The following ZC3H7B variants were observed in gnomAD, a reference collection of about 807,000 sequenced individuals.
ZC3H7B encodes zinc finger CCCH-type containing 7B, also known as zinc finger CCCH domain-containing protein 7B.
A neutral mutation model predicts 116.0 loss-of-function variants in ZC3H7B; 35 were observed. The ratio of observed to expected loss-of-function variants is 0.30; its 90% CI spans 0.23 to 0.40. The LOEUF (loss-of-function observed/expected upper bound fraction) is 0.40, where lower values mean the gene tolerates loss of function less well. Ranked by LOEUF, ZC3H7B falls within the 10% of genes least tolerant of loss-of-function variation. The pLI, the probability that ZC3H7B is intolerant of heterozygous loss-of-function variation, is 1.00. For missense variants in ZC3H7B, 1,011 were observed against 1,321.5 expected, an observed-to-expected ratio of 0.77 and a Z score of 3.64; for synonymous variants, 502 against 545.6, an observed-to-expected ratio of 0.92 and a Z score of 1.11.
intron 11 of ZC3H7B, 28 bp downstream of exon 11, chr22:41,341,174 C>G: frequency 6.2e-7 from 1 of 1,613,320 alleles, no homozygotes; most frequent in Non-Finnish European, 8.5e-7. Context: ...GGATCCAGGC[C>G]TCTCATTCCC....
Position 41,358,747 on chromosome 22 carries a change from C to A in ZC3H7B, c.*1318C>A. The A allele has an allele frequency of 6.4e-6, 1 of 155,566 alleles. No homozygotes were observed. The highest frequency in any genetic ancestry group is 6.5e-5 in the Admixed American group (1 of 15,368). 9.6% of individuals were successfully genotyped at this position (155,566 alleles called of 1,614,324 possible). A position where few individuals can be genotyped will look rare whatever the true frequency, so the allele number is the denominator to read the frequency against. On this transcript the variant is annotated 3_prime_UTR_variant, in exon 23 of 23. Transcript: ENST00000352645. ...CCACTCACCAAGGCCTCGCTCGTCC[C>A]TCTCGTCTGACATGTCTGTGTGCAC...
Position 41,330,863 on chromosome 22 carries a change from T to G in ZC3H7B, c.525+760T>G, listed in dbSNP as rs565200328. On this transcript the variant is annotated intron_variant, in intron 6 of 22. Coordinates refer to ENST00000352645, the MANE Select transcript of ZC3H7B (RefSeq NM_017590.6). ...AGGCTGAGGCAGGAGAATCACTTTT[T>G]TTTTTTTTTTTTTTTGAGACGGACT... Among the ~76,000 whole-genome samples, 54 of 147,894 alleles carry G rather than the reference T, an allele frequency of 3.7e-4. 3 individuals are homozygous for G. In the South Asian group the frequency reaches 0.011, roughly 30 times the overall value.
intron 2 of ZC3H7B, among the ~76,000 whole-genome samples, chr22:41,320,978 A>G (rs1022010216): frequency 6.6e-6 from 1 of 151,742 alleles, no homozygotes; most frequent in African/African-American, 2.4e-5. Flanking sequence ...TCACATTTGC[A>G]CTCCCTGTTA....
In ZC3H7B at chr22:41,337,735, T is replaced by C. The variant is rs539086347; in HGVS notation, c.583-578T>C. On this transcript the variant is annotated intron_variant, in intron 7 of 22. Coordinates refer to ENST00000352645, the MANE Select transcript of ZC3H7B (RefSeq NM_017590.6). ...GGTGGGTGGAACCAAGACTCAGAGGTTCTCTCCCTGCCCTCAACCACCCCT... is the reference window on the plus strand; with the variant it reads ...GGTGGGTGGAACCAAGACTCAGAGGCTCTCTCCCTGCCCTCAACCACCCCT... Among the ~76,000 whole-genome samples the C allele has an allele frequency of 1.3e-3, 196 of 152,184 alleles. 1 individual carries two copies. The highest frequency in any genetic ancestry group is 6.8e-3 in the Middle Eastern group (2 of 294).
In ZC3H7B at chr22:41,338,428, C is replaced by A; in HGVS notation, c.625+73C>A. 1 of 1,528,208 alleles carries A rather than the reference C, an allele frequency of 6.5e-7. No homozygotes were observed. The highest frequency in any genetic ancestry group is 9.0e-7 in the Non-Finnish European group (1 of 1,116,368). 94.7% of individuals were successfully genotyped at this position (1,528,208 alleles called of 1,614,324 possible). The stretch of plus-strand genomic sequence containing the variant: ...GGTCAGGGGAGTCGAGCCCCCTCCC[C>A]ATCCCAGCCCTGTAGATGGGAGGGC... On this transcript the variant is annotated intron_variant, in intron 8 of 22. Coordinates refer to ENST00000352645, the MANE Select transcript of ZC3H7B (RefSeq NM_017590.6). This position sits in a 1 kb window ranked among gnomAD's most constrained non-coding sequence, Gnocchi z 4.5.
chr22:41,352,574 A>G (rs956616766), intron 17 of ZC3H7B, among the ~76,000 whole-genome samples: 1 of 152,138 alleles, frequency 6.6e-6, no homozygotes, highest in African/African-American at 2.4e-5. Context: ...CAGCGTGTCC[A>G]ACATAGTGAA....
At chr22:41,342,503 C>A in intron 11 of ZC3H7B, 26 bp from the exon 12 acceptor site, 1 of 1,609,804 alleles carries the variant, frequency 6.2e-7, no homozygotes, top group African/African-American at 1.3e-5. Flanking sequence ...CCAGTGCCCA[C>A]AATGGCCTCC....
At position 41,339,976 on chromosome 22, in the gene ZC3H7B, A is replaced by T; in HGVS notation, c.977A>T (p.Asp326Val). ...CCCGCCTCCTTCGGCTTGGTCATGGACCCCTCCAAGAAGCTGGCCGCCTCT... is the reference window on the plus strand; with the variant it reads ...CCCGCCTCCTTCGGCTTGGTCATGGTCCCCTCCAAGAAGCTGGCCGCCTCT... ...LPPASFGLVM[D>V]PSKKLAASVL... is the part of the protein sequence containing the mutation. The change falls in exon 10 of 23, where the codon GAC becomes GTC. Residue 326 changes from aspartate (D) to valine (V), a missense_variant. Coordinates refer to ENST00000352645, the MANE Select transcript of ZC3H7B (RefSeq NM_017590.6). 6.2e-7 allele frequency: 1 copy of T among 1,610,230 alleles called. No individual in the cohort carries two copies. The highest frequency in any genetic ancestry group is 8.5e-7 in the Non-Finnish European group (1 of 1,179,614).
rs2036310266 is a variant in ZC3H7B, at chr22:41,325,765, T to C, written c.132T>C (p.Asn44=). Residue 44 remains asparagine (N), a synonymous_variant, in exon 4 of 23, where the codon AAT becomes AAC. Transcript: ENST00000352645. ...TGCAGAATCTGTTTGCTGAGGGCAATGATCTGTTCCGGGAGAAGGACTATA... is the reference window on the plus strand; with the variant it reads ...TGCAGAATCTGTTTGCTGAGGGCAACGATCTGTTCCGGGAGAAGGACTATA... ...KLVQNLFAEG[N]DLFREKDYKQ... 16 of 1,613,958 alleles carry C rather than the reference T, an allele frequency of 9.9e-6. No individual in the cohort carries two copies. The East Asian group carries it at 3.3e-4, about 34-fold the overall frequency.
At chr22:41,331,687 A>G (rs1374157862) in intron 6 of ZC3H7B, among the ~76,000 whole-genome samples, 1 of 151,976 alleles carries the variant, frequency 6.6e-6, no homozygotes, top group African/African-American at 2.4e-5. Flanking sequence ...CCTGGGCAAC[A>G]TGGCGAAACC....
At chr22:41,352,803 C>T (rs1347504859) in intron 17 of ZC3H7B, among the ~76,000 whole-genome samples, 5 of 151,994 alleles carry the variant, frequency 3.3e-5, no homozygotes, top group East Asian at 3.9e-4. Flanking sequence ...GGAGGCCTGG[C>T]GTGGTGGCTG....
At position 41,320,644 on chromosome 22, in the gene ZC3H7B, C is replaced by T; in HGVS notation, c.-6-11C>T. On this transcript the variant is annotated splice_polypyrimidine_tract_variant and intron_variant, in intron 1 of 22. Coordinates refer to ENST00000352645, the MANE Select transcript of ZC3H7B (RefSeq NM_017590.6). ...TGCTGACTGACTGATGGACTGTGCTCTCTTCCCCAGAGACTGATGGAGAGG... is the reference window on the plus strand; with the variant it reads ...TGCTGACTGACTGATGGACTGTGCTTTCTTCCCCAGAGACTGATGGAGAGG... 1 of 1,613,820 alleles carries T rather than the reference C, an allele frequency of 6.2e-7. No homozygotes were observed. Among genetic ancestry groups the T allele is most frequent in the Non-Finnish European group, 8.5e-7 (1 of 1,179,852 alleles).
In ZC3H7B at chr22:41,302,853, G is replaced by C. The variant is rs554943959; in HGVS notation, c.-7+1081G>C. ...TGGGGAGTCTGGGGGCTCTAAAAGG[G>C]GGCTGGGCCTGAGTGGGGAGCTGGT... On this transcript the variant is annotated intron_variant, in intron 1 of 22. Coordinates refer to ENST00000352645, the MANE Select transcript of ZC3H7B (RefSeq NM_017590.6). This position sits in a 1 kb window ranked among gnomAD's most constrained non-coding sequence, Gnocchi z 5.7. 3.9e-4 allele frequency among the ~76,000 whole-genome samples: 59 copies of C among 152,202 alleles called. No homozygotes were observed. The highest frequency in any genetic ancestry group is 3.4e-3 in the Middle Eastern group (1 of 294).
chr22:41,324,815 G>C lies in ZC3H7B; in HGVS notation c.54-749G>C, dbSNP rs991975489. 2.6e-5 allele frequency among the ~76,000 whole-genome samples: 4 copies of C among 152,176 alleles called. 1 individual carries two copies. The highest frequency in any genetic ancestry group is 2.6e-4 in the Admixed American group (4 of 15,274). The stretch of plus-strand genomic sequence containing the variant: ...TCTGTGGACCTGTGGTCTCGGATTT[G>C]GTTTGATGGGGCGTGGTCCTTCCCA... On this transcript the variant is annotated intron_variant, in intron 2 of 22. Transcript: ENST00000352645.
Position 41,357,112 on chromosome 22 carries a change from C to T in ZC3H7B, c.2682-65C>T. The T allele has an allele frequency of 6.3e-7, 1 of 1,585,428 alleles. No individual in the cohort carries two copies. The highest frequency in any genetic ancestry group is 8.6e-7 in the Non-Finnish European group (1 of 1,168,206). ...CTTCGGGGAGGTCAAGCGGCCGGCC[C>T]CAGATGGACAGCCTGGGGTGGGAAG... On this transcript the variant is annotated intron_variant, in intron 22 of 22. Coordinates refer to ENST00000352645, the MANE Select transcript of ZC3H7B (RefSeq NM_017590.6). The surrounding 1 kb of genome is among the most constrained non-coding windows in gnomAD (Gnocchi z 5.4).
chr22:41,301,849 G>C (rs1316069861), intron 1 of ZC3H7B, 77 bp downstream of exon 1: 3 of 151,914 alleles, frequency 2.0e-5, no homozygotes, highest in Non-Finnish European at 4.4e-5. Context: ...GCGCGCGAGG[G>C]TTCGGGGACG....
rs2036161862 is a variant in ZC3H7B at position 41,314,918 on chromosome 22, A to G, written c.-6-5737A>G. On this transcript the variant is annotated intron_variant, in intron 1 of 22. Coordinates refer to ENST00000352645, the MANE Select transcript of ZC3H7B (RefSeq NM_017590.6). ...TCACCATGCCCGGCCAATCATTATT[A>G]TTACTTAAAAATACAGGCAAGACCC... 2.0e-5 allele frequency among the ~76,000 whole-genome samples: 3 copies of G among 150,236 alleles called. No homozygotes were observed. The South Asian group carries it at 6.4e-4, about 32-fold the overall frequency.
At chr22:41,356,128 C>G in intron 20 of ZC3H7B, 66 bp downstream of exon 20, 1 of 1,475,128 alleles carries the variant, frequency 6.8e-7, no homozygotes, top group Non-Finnish European at 9.1e-7. Flanking sequence ...TGTCTCAATT[C>G]ACCAGCGGGC....
chr22:41,356,316 G>C, intron 20 of ZC3H7B, 27 bp from the exon 21 acceptor site: 1 of 1,613,520 alleles, frequency 6.2e-7, no homozygotes, highest in Non-Finnish European at 8.5e-7. Flanking sequence ...CCCCTCAGCA[G>C]GTGCCCTGTC....
Sources: allele counts gnomAD v4.1 joint callset (sites outside exome capture counted in the v4.1 genomes callset), GRCh38; gene constraint gnomAD v4.1.1; non-coding constraint Gnocchi (gnomAD v3.1); transcripts MANE v1.5; gene names NCBI Gene and HGNC (gene_info 2026-07-23, HGNC 2026-07-21).